LRRC71: variants seen among roughly 807,000 people sequenced by gnomAD.
LRRC71 encodes the protein leucine-rich repeat-containing protein 71.
In LRRC71, 54 loss-of-function variants were observed where a neutral mutation model predicts 66.6. The observed-to-expected ratio is 0.81, with a 90% CI of 0.65 to 1.02. LRRC71 has a LOEUF of 1.02. LRRC71 is among the 50% of genes least tolerant of loss of function. LRRC71 has a pLI of 0.00. For missense variants in LRRC71, 724 were observed against 718.0 expected, an observed-to-expected ratio of 1.01 and a Z score of -0.10; for synonymous variants, 323 against 303.9, an observed-to-expected ratio of 1.06 and a Z score of -0.65.
intron 1 of LRRC71, among the ~76,000 whole-genome samples, chr1:156,923,390 C>G (rs924697574): frequency 6.6e-6 from 1 of 152,226 alleles, no homozygotes; most frequent in Non-Finnish European, 1.5e-5. Flanking sequence ...TAATATAACT[C>G]AGAAATGAGT....
In LRRC71 at chr1:156,927,636, G is replaced by A; in HGVS notation, c.803G>A (p.Gly268Asp). ...NLGFNHIGDE[G>D]AGYIADGLRL... ...GGTTTCAACCACATCGGTGACGAGG[G>A]CGCAGGCTACATCGCGGACGTGAGT... The change falls in exon 7 of 15, where the codon GGC becomes GAC. Residue 268 changes from glycine to aspartate, a missense_variant. By Grantham distance (94) the Gly-to-Asp change is moderately conservative (BLOSUM62 -1). Coordinates refer to ENST00000337428, the MANE Select transcript of LRRC71 (RefSeq NM_144702.3). The A allele has an allele frequency of 6.2e-7, 1 of 1,605,320 alleles. No homozygotes were observed. Among genetic ancestry groups the A allele is most frequent in the Non-Finnish European group, 8.5e-7 (1 of 1,176,386 alleles).
At chr1:156,924,226 A>T (rs1652838389) in intron 2 of LRRC71, 128 bp downstream of exon 2, 1 of 1,262,218 alleles carries the variant, frequency 7.9e-7, no homozygotes. Context: ...GTATTCGACG[A>T]GGCCGGTGGG....
rs759919073 is a variant in LRRC71, at chr1:156,930,590, G to C, written c.1302G>C (p.Glu434Asp). The C allele has an allele frequency of 8.3e-6, 13 of 1,567,658 alleles. No individual in the cohort carries two copies. In the South Asian group the frequency reaches 1.5e-4, roughly 18 times the overall value. Residue 434 changes from glutamate to aspartate, a missense_variant, in exon 12 of 15, where the codon GAG (glutamate) becomes GAC (aspartate). Glu to Asp is a conservative substitution (Grantham distance 45, BLOSUM62 2). Transcript: ENST00000337428. Reference sequence around the variant, plus strand: ...AAGGGATCAAGATCGGGAGCAGAGAGAAGCGCAGCATCCTCCTGGAGTCCG... The same window carrying C: ...AAGGGATCAAGATCGGGAGCAGAGACAAGCGCAGCATCCTCCTGGAGTCCG... Reference protein sequence around the residue: ...RAKGIKIGSREKRSILLESEL... With the variant: ...RAKGIKIGSRDKRSILLESEL...
chr1:156,939,484 C>G, the LRRC71 span: 11 of 1,597,362 alleles, frequency 6.9e-6, no homozygotes, highest in East Asian at 2.5e-4. Context: ...AGCAGCTGTT[C>G]GGAAGACTTA....
downstream of LRRC71, chr1:156,935,969 G>C (rs1337507399): frequency 5.0e-6 from 8 of 1,600,568 alleles, 1 homozygote; most frequent in South Asian, 8.9e-5. Context: ...AAGGAGGAGT[G>C]GGGACGCAGA....
chr1:156,924,045 G>A lies in LRRC71; in HGVS notation c.257G>A (p.Arg86His). ...TTCCCCAAAGTTGTCAACCGGCCCCGCCCCCACCCGCCCTTCGTCCCCTCC... is the reference window on the plus strand; with the variant it reads ...TTCCCCAAAGTTGTCAACCGGCCCCACCCCCACCCGCCCTTCGTCCCCTCC... Reference protein sequence around the residue: ...TDFPKVVNRPRPHPPFVPSAS... With the variant: ...TDFPKVVNRPHPHPPFVPSAS... Residue 86 changes from arginine to histidine, a missense_variant, in exon 2 of 15, where the codon CGC becomes CAC. Transcript: ENST00000337428. 2.3e-6 allele frequency: 2 copies of A among 882,440 alleles called. No individual in the cohort carries two copies. The highest frequency in any genetic ancestry group is 1.7e-5 in the African/African-American group (1 of 57,268). The allele number at this position is 882,440 out of a possible 1,614,324, so 54.7% of individuals were successfully genotyped here.
chr1:156,929,122 A>G (rs973978086), intron 9 of LRRC71, among the ~76,000 whole-genome samples, 158 bp from the exon 10 acceptor site: 1 of 152,046 alleles, frequency 6.6e-6, no homozygotes, highest in Admixed American at 6.5e-5. Flanking sequence ...ACCCCAGAGG[A>G]GTCCTATACA....
downstream of LRRC71, chr1:156,937,325 G>A (rs1248368238): frequency 6.2e-7 from 1 of 1,613,800 alleles, no homozygotes; most frequent in Admixed American, 1.7e-5. Flanking sequence ...GGCCAGGCTT[G>A]GAGGAGAGCG....
At chr1:156,924,220 T>G in intron 2 of LRRC71, 122 bp downstream of exon 2, 1 of 1,271,542 alleles carries the variant, frequency 7.9e-7, no homozygotes. Flanking sequence ...TCGGCGGTAT[T>G]CGACGAGGCC....
rs781754506 is a variant in LRRC71, at chr1:156,927,981, G to C, written c.973G>C (p.Gly325Arg). 2.5e-6 allele frequency: 4 copies of C among 1,609,080 alleles called. No individual in the cohort carries two copies. Among genetic ancestry groups the C allele is most frequent in the Non-Finnish European group, 2.5e-6 (3 of 1,178,534 alleles). The change falls in exon 9 of 15, where the codon GGG becomes CGG. Residue 325 changes from glycine (G) to arginine (R), a missense_variant. Transcript: ENST00000337428. ...VERRRLLLEK[G>R]TQERSRSPSS... is the part of the protein sequence containing the mutation. ...GCGCCGACGCCTCCTGCTGGAAAAA[G>C]GGACACAGGAGCGCTCGCGATCGGT...
downstream of LRRC71, among the ~76,000 whole-genome samples, chr1:156,933,482 G>C (rs1654668139): frequency 6.6e-6 from 1 of 152,248 alleles, no homozygotes; most frequent in South Asian, 2.1e-4. Context: ...GGCTGGCCCA[G>C]GTGTTTGACT....
At chr1:156,936,493 A>ATATATATAT (rs1481502478), downstream of LRRC71, among the ~76,000 whole-genome samples, 20 of 62,394 alleles carry the variant, frequency 3.2e-4, no homozygotes, top group South Asian at 1.5e-3. Context: ...AAAAAAAAAA[A>ATATATATAT]AAAAATATAT....
At chr1:156,938,639 G>A in the LRRC71 span, 5 of 777,524 alleles carry the variant, frequency 6.4e-6, no homozygotes, top group Admixed American at 4.7e-5. Flanking sequence ...GGAAGAACAA[G>A]GTGAACACAA....
In LRRC71 at chr1:156,924,671, T is replaced by G. The variant is rs1571034224; in HGVS notation, c.468T>G (p.Gly156=). Residue 156 remains glycine (G), a synonymous_variant, in exon 4 of 15, where the codon GGT becomes GGG. Coordinates refer to ENST00000337428, the MANE Select transcript of LRRC71 (RefSeq NM_144702.3). ...GGAAGGTTGAGGAACGGATTCTGGG[T>G]GTCTTCTCTAAATGTCTGCCCCCGC... The part of the protein sequence containing the change: ...RGWKVEERIL[G]VFSKCLPPLT... 6.5e-7 allele frequency: 1 copy of G among 1,549,994 alleles called. No homozygotes were observed. Among genetic ancestry groups the G allele is most frequent in the South Asian group, 1.2e-5 (1 of 83,954 alleles).
the LRRC71 span, chr1:156,939,368 C>T: frequency 1.6e-5 from 13 of 797,870 alleles, no homozygotes; most frequent in Admixed American, 8.0e-5. Flanking sequence ...CTCTGAATCT[C>T]GAATGTCCAA....
At chr1:156,936,290 C>A, downstream of LRRC71, 1 of 708,274 alleles carries the variant, frequency 1.4e-6, no homozygotes, top group South Asian at 1.4e-5. Context: ...TGAGTTATGA[C>A]ATAGCTGTGT....
chr1:156,925,080 A>G, intron 5 of LRRC71, 65 bp downstream of exon 5: 1 of 1,478,428 alleles, frequency 6.8e-7, no homozygotes, highest in Non-Finnish European at 9.2e-7. Flanking sequence ...AGAGGGGAGC[A>G]GTGTGGGGAT....
chr1:156,927,884 C>A, intron 8 of LRRC71, 31 bp from the exon 9 acceptor site: 1 of 1,610,196 alleles, frequency 6.2e-7, no homozygotes, highest in Non-Finnish European at 8.5e-7. Context: ...ACTACCCAGG[C>A]GTCCGACCGC....
rs1482935426 is a variant in LRRC71 at position 156,924,111 on chromosome 1, G to A, written c.310+13G>A. ...AAGGCCACCTTAGGTGAGTGACAGT[G>A]GAGCTCCCCGGTGCCTGCCAGGGCC... is the stretch of plus-strand genomic sequence containing the variant. On this transcript the variant is annotated intron_variant, in intron 2 of 14. Transcript: ENST00000337428. 1 of 1,548,366 alleles carries A rather than the reference G, an allele frequency of 6.5e-7. No individual in the cohort carries two copies. Among genetic ancestry groups the A allele is most frequent in the South Asian group, 1.2e-5 (1 of 83,910 alleles).
Sources: allele counts gnomAD v4.1 joint callset (sites outside exome capture counted in the v4.1 genomes callset), GRCh38; gene constraint gnomAD v4.1.1; transcripts MANE v1.5; gene names NCBI Gene and HGNC (gene_info 2026-07-23, HGNC 2026-07-21).